Variants in FAM114A1 observed in about 807,000 individuals in gnomAD.
FAM114A1 encodes family with sequence similarity 114 member A1.
In FAM114A1, 62 loss-of-function variants were observed where a neutral mutation model predicts 64.3. The ratio of observed to expected loss-of-function variants is 0.96; its 90% CI spans 0.79 to 1.19. The LOEUF (loss-of-function observed/expected upper bound fraction) is 1.19. Ranked by LOEUF, FAM114A1 falls within the 50% of genes most tolerant of loss-of-function variation. The pLI is 0.00. For missense variants in FAM114A1, 645 were observed against 676.3 expected, an observed-to-expected ratio of 0.95 and a Z score of 0.51; for synonymous variants, 254 against 251.1, an observed-to-expected ratio of 1.01 and a Z score of -0.11.
intron 10 of FAM114A1, 81 bp downstream of exon 10, chr4:38,929,414 C>G: frequency 9.4e-7 from 1 of 1,067,458 alleles, no homozygotes; most frequent in Non-Finnish European, 1.4e-6. Context: ...TCCAGAGATG[C>G]ACCTGAAATG....
At chr4:38,894,452 A>G (rs1716716391) in intron 4 of FAM114A1, among the ~76,000 whole-genome samples, 1 of 152,224 alleles carries the variant, frequency 6.6e-6, no homozygotes, top group Non-Finnish European at 1.5e-5. Flanking sequence ...TGCCAGTCAC[A>G]TGGTCACTGT....
rs1720428962 is a variant in FAM114A1 at position 38,929,315 on chromosome 4, AC to A, written c.1145del (p.Pro382LeufsTer8). On this transcript the variant is annotated frameshift_variant, in exon 10 of 15. Transcript: ENST00000358869. LOFTEE classifies it high-confidence loss of function. ...LLFELHVAAT[P>X]DKLNKAMKRA... is the part of the protein sequence containing the mutation. Reference sequence around the variant, plus strand: ...TCTTTGAATTACATGTGGCGGCCACACCTGACAAACTCAATAAGGTCAGCAC... The same window carrying A: ...TCTTTGAATTACATGTGGCGGCCACACTGACAAACTCAATAAGGTCAGCAC... 6.2e-7 allele frequency: 1 copy of A among 1,613,418 alleles called. No homozygotes were observed. The highest frequency in any genetic ancestry group is 1.3e-5 in the African/African-American group (1 of 74,916).
intron 7 of FAM114A1, 173 bp from the exon 8 acceptor site, chr4:38,914,748 G>A: frequency 1.5e-6 from 1 of 688,442 alleles, no homozygotes. Flanking sequence ...AGGATATGAT[G>A]TAAAAGTTAT....
At chr4:38,901,854 A>T (rs1175443795) in intron 4 of FAM114A1, among the ~76,000 whole-genome samples, 1 of 152,218 alleles carries the variant, frequency 6.6e-6, no homozygotes, top group Non-Finnish European at 1.5e-5. Flanking sequence ...CTATGCCATC[A>T]CTAGACACAG....
At chr4:38,901,977 AG>A (rs1442026207) in intron 4 of FAM114A1, among the ~76,000 whole-genome samples, 16 of 152,256 alleles carry the variant, frequency 1.1e-4, no homozygotes, top group Non-Finnish European at 5.9e-5. Context: ...TGTTTTAAAA[AG>A]TAGGAAGCTC....
intron 2 of FAM114A1, among the ~76,000 whole-genome samples, chr4:38,876,116 G>A (rs1301615455): frequency 8.8e-6 from 1 of 114,130 alleles, no homozygotes; most frequent in Non-Finnish European, 2.0e-5. Context: ...AAGCTAAATG[G>A]CAAGTATTTT....
chr4:38,875,244 A>T (rs1034034182), intron 2 of FAM114A1, among the ~76,000 whole-genome samples: 1 of 152,204 alleles, frequency 6.6e-6, no homozygotes, highest in Non-Finnish European at 1.5e-5. Context: ...AATAGCATTG[A>T]ATCTGTACAT....
At chr4:38,929,680 G>A (rs1382090430) in intron 10 of FAM114A1, among the ~76,000 whole-genome samples, 1 of 152,234 alleles carries the variant, frequency 6.6e-6, no homozygotes, top group Non-Finnish European at 1.5e-5. Flanking sequence ...GGGAGACTGA[G>A]GCAAGAGAAT....
chr4:38,901,679 C>T (rs995845450), intron 4 of FAM114A1, among the ~76,000 whole-genome samples: 2 of 152,188 alleles, frequency 1.3e-5, no homozygotes. Context: ...GAGAGACTTC[C>T]CTTCAATGGC....
chr4:38,880,906 C>T (rs561718534), intron 3 of FAM114A1, among the ~76,000 whole-genome samples: 4 of 152,214 alleles, frequency 2.6e-5, no homozygotes, highest in Admixed American at 6.5e-5. Context: ...ATAGTAAGGC[C>T]GGGCACGGTG....
At chr4:38,929,049 C>T in intron 9 of FAM114A1, 193 bp from the exon 10 acceptor site, 1 of 562,410 alleles carries the variant, frequency 1.8e-6, no homozygotes, top group Non-Finnish European at 3.2e-6. Context: ...AGCGGCCCTG[C>T]ACCCGGATGC....
At chr4:38,915,840 A>G (rs1719004485) in intron 8 of FAM114A1, among the ~76,000 whole-genome samples, 1 of 151,784 alleles carries the variant, frequency 6.6e-6, no homozygotes, top group Non-Finnish European at 1.5e-5. Context: ...ACTATTCTAA[A>G]TACCATAAAA....
chr4:38,926,459 T>A (rs1720100194), intron 9 of FAM114A1, among the ~76,000 whole-genome samples: 2 of 146,410 alleles, frequency 1.4e-5, no homozygotes, highest in Admixed American at 1.4e-4. Flanking sequence ...TCTCTCCCCT[T>A]TTTTTTTTTT....
At chr4:38,912,617 A>C (rs922701766) in intron 7 of FAM114A1, among the ~76,000 whole-genome samples, 4 of 152,062 alleles carry the variant, frequency 2.6e-5, no homozygotes, top group African/African-American at 7.2e-5. Flanking sequence ...CTCCTGACCT[A>C]GTGATCGGCC....
intron 9 of FAM114A1, among the ~76,000 whole-genome samples, chr4:38,923,222 C>T (rs1416736168): frequency 1.6e-5 from 2 of 127,846 alleles, no homozygotes; most frequent in Non-Finnish European, 3.5e-5. Flanking sequence ...TTTATGCTGC[C>T]ACTTTTTTTT....
rs76319631 is a variant in FAM114A1, at chr4:38,904,323, G to T, written c.437-1199G>T. Among the ~76,000 whole-genome samples the T allele has an allele frequency of 5.3e-3, 812 of 152,276 alleles. 8 individuals carry two copies. The highest frequency in any genetic ancestry group is 0.018 in the African/African-American group (743 of 41,550). ...AGTTTGACAACTCAGAAAAGCTATA[G>T]CTCATCGTGAAGGCCTCAAAGGGAG... On this transcript the variant is annotated intron_variant, in intron 4 of 14. Transcript: ENST00000358869.
rs190682932 is a variant in FAM114A1, at chr4:38,921,788, C to T, written c.946-982C>T. Among the ~76,000 whole-genome samples the T allele has an allele frequency of 6.0e-4, 91 of 152,346 alleles. No homozygotes were observed. In the Middle Eastern group the frequency reaches 0.037, roughly 63 times the overall value. On this transcript the variant is annotated intron_variant, in intron 8 of 14. Coordinates refer to ENST00000358869, the MANE Select transcript of FAM114A1 (RefSeq NM_138389.4). Reference sequence around the variant, plus strand: ...GTTGTTCTTGGTTGACACAGCCTCACTCCTTTAGCCTGCAAGATGTTGGAG... The same window carrying T: ...GTTGTTCTTGGTTGACACAGCCTCATTCCTTTAGCCTGCAAGATGTTGGAG...
chr4:38,895,087 G>T (rs1716786161), intron 4 of FAM114A1, among the ~76,000 whole-genome samples: 1 of 152,174 alleles, frequency 6.6e-6, no homozygotes, highest in African/African-American at 2.4e-5. Flanking sequence ...GATCAGGAAG[G>T]CACCCATAAC....
intron 7 of FAM114A1, 159 bp from the exon 8 acceptor site, chr4:38,914,762 T>C (rs1293404234): frequency 1.3e-6 from 1 of 757,662 alleles, no homozygotes; most frequent in Admixed American, 3.0e-5. Flanking sequence ...AAGTTATCAA[T>C]AGGATCAATC....
Sources: gnomAD v4.1 joint callset for allele counts (sites outside exome capture counted in the v4.1 genomes callset) on GRCh38, gnomAD v4.1.1 for gene constraint, MANE v1.5 for transcripts, NCBI Gene and HGNC (gene_info 2026-07-23, HGNC 2026-07-21) for gene names.